MBD5: variants seen among roughly 807,000 people sequenced by gnomAD.
The protein encoded by MBD5 is methyl-CpG-binding domain protein 5.
MBD5 carries 13 observed loss-of-function variants against 117.3 expected under a neutral mutation model. That is an observed-to-expected ratio of 0.11 (90% CI 0.07 to 0.18). The LOEUF is 0.18. MBD5 is among the 10% of genes least tolerant of loss of function. The probability of loss-of-function intolerance (pLI) is 1.00; values close to 1 mark genes in which losing one functional copy is unlikely to be tolerated. For missense variants in MBD5, 1,879 were observed against 2,093.8 expected (o/e 0.90, Z 2.00); for synonymous variants, 727 against 766.4 (o/e 0.95, Z 0.85).
At chr2:148,028,305 C>G (rs1463337778) in intron 1 of MBD5, 2 of 151,988 alleles carry the variant, frequency 1.3e-5, no homozygotes, top group East Asian at 3.8e-4. Context: ...TCACTGAATT[C>G]TTCTGCTAAC....
intron 3 of MBD5, among the ~76,000 whole-genome samples, chr2:148,255,383 C>T (rs1419157191): frequency 1.3e-5 from 2 of 152,178 alleles, no homozygotes; most frequent in Admixed American, 6.5e-5. Context: ...CTTTCCCTGG[C>T]CATTCCCCTA....
chr2:148,060,443 C>T (rs1019719495), intron 1 of MBD5, among the ~76,000 whole-genome samples: 1 of 150,798 alleles, frequency 6.6e-6, no homozygotes, highest in Non-Finnish European at 1.5e-5. Flanking sequence ...CACCATGTTT[C>T]CTTACCACAA....
At chr2:148,398,956 T>C (rs1704826283) in intron 4 of MBD5, among the ~76,000 whole-genome samples, 1 of 152,230 alleles carries the variant, frequency 6.6e-6, no homozygotes, top group African/African-American at 2.4e-5. Flanking sequence ...AAAGATCAGA[T>C]AGTTGTAGAT....
chr2:148,473,847 A>G (rs1286461026), intron 8 of MBD5, among the ~76,000 whole-genome samples: 9 of 152,198 alleles, frequency 5.9e-5, no homozygotes, highest in Admixed American at 3.9e-4. Flanking sequence ...CCTTTCCACT[A>G]AAGCTTCAAA....
chr2:148,139,965 G>A (rs2105526932), intron 1 of MBD5, among the ~76,000 whole-genome samples: 1 of 152,280 alleles, frequency 6.6e-6, no homozygotes, highest in East Asian at 1.9e-4. Flanking sequence ...TTACCAATTA[G>A]TAAATATTGT....
At chr2:148,143,329 AAGAC>A (rs1378616309) in intron 1 of MBD5, among the ~76,000 whole-genome samples, 3 of 152,208 alleles carry the variant, frequency 2.0e-5, no homozygotes, top group African/African-American at 7.2e-5. Flanking sequence ...CCAGAGAAAA[AAGAC>A]AGAAAAGTTG....
intron 3 of MBD5, among the ~76,000 whole-genome samples, chr2:148,294,256 G>A (rs1433603187): frequency 7.5e-6 from 1 of 132,750 alleles, no homozygotes; most frequent in East Asian, 2.2e-4. Flanking sequence ...ACAGAGTCTT[G>A]CTCTGTCATT....
At chr2:148,328,421 T>C (rs1231286827) in intron 3 of MBD5, among the ~76,000 whole-genome samples, 1 of 152,032 alleles carries the variant, frequency 6.6e-6, no homozygotes, top group East Asian at 1.9e-4. Context: ...TGGGCAATGG[T>C]GGGCGCCCCT....
intron 2 of MBD5, among the ~76,000 whole-genome samples, chr2:148,202,767 C>T (rs1335292799): frequency 4.5e-4 from 69 of 151,956 alleles, no homozygotes; most frequent in Non-Finnish European, 1.2e-4. Flanking sequence ...GTGGTTCATG[C>T]CAGTAATCTC....
intron 4 of MBD5, among the ~76,000 whole-genome samples, chr2:148,372,517 T>C (rs929941160): frequency 6.6e-6 from 1 of 152,026 alleles, no homozygotes; most frequent in African/African-American, 2.4e-5. Context: ...CTACTAATGA[T>C]AGATCATGAG....
At chr2:148,236,615 C>A (rs1287138480) in intron 3 of MBD5, among the ~76,000 whole-genome samples, 2 of 152,068 alleles carry the variant, frequency 1.3e-5, no homozygotes, top group Non-Finnish European at 2.9e-5. Context: ...ATGCTGTCCT[C>A]TAGGCTTTGT....
intron 1 of MBD5, among the ~76,000 whole-genome samples, chr2:148,051,294 A>G (rs1045302427): frequency 1.3e-5 from 2 of 149,396 alleles, no homozygotes; most frequent in Non-Finnish European, 3.0e-5. Context: ...TGCAGACCTT[A>G]TTAGCTCTAA....
intron 3 of MBD5, among the ~76,000 whole-genome samples, chr2:148,312,142 T>A (rs896674356): frequency 3.9e-5 from 6 of 152,192 alleles, no homozygotes; most frequent in Non-Finnish European, 1.5e-5. Context: ...GTTGCTCTTC[T>A]CAAGGAGTAT....
chr2:148,240,181 A>G (rs1700183352), intron 3 of MBD5, among the ~76,000 whole-genome samples: 4 of 151,968 alleles, frequency 2.6e-5, no homozygotes, highest in Admixed American at 1.3e-4. Flanking sequence ...AAAACCAAAC[A>G]CTGCATGTTC....
chr2:148,361,048 A>G (rs1703518212), intron 4 of MBD5, among the ~76,000 whole-genome samples: 1 of 152,088 alleles, frequency 6.6e-6, no homozygotes, highest in African/African-American at 2.4e-5. Flanking sequence ...AAAAATAAGA[A>G]AAAAAGTGCT....
At chr2:148,084,472 T>G (rs1367978512) in intron 1 of MBD5, among the ~76,000 whole-genome samples, 1 of 152,224 alleles carries the variant, frequency 6.6e-6, no homozygotes, top group Non-Finnish European at 1.5e-5. Context: ...TGTTTATTGA[T>G]TTCCAAGTCA....
At chr2:148,377,153 C>A (rs1190189586) in intron 4 of MBD5, among the ~76,000 whole-genome samples, 1 of 151,906 alleles carries the variant, frequency 6.6e-6, no homozygotes. Flanking sequence ...AGCTGAGGAG[C>A]AAGGAAGCCA....
chr2:148,111,612 T>C (rs1696504968), intron 1 of MBD5, among the ~76,000 whole-genome samples: 2 of 152,300 alleles, frequency 1.3e-5, no homozygotes, highest in Admixed American at 1.3e-4. Context: ...TGTCCTGAAT[T>C]TATCATTATA....
At chr2:148,185,375 C>T (rs1416745948) in intron 2 of MBD5, among the ~76,000 whole-genome samples, 1 of 152,104 alleles carries the variant, frequency 6.6e-6, no homozygotes, top group African/African-American at 2.4e-5. Context: ...TGTACTATTC[C>T]AACATCTTGG....
Sources: allele counts gnomAD v4.1 joint callset (sites outside exome capture counted in the v4.1 genomes callset), GRCh38; gene constraint gnomAD v4.1.1; transcripts MANE v1.5; gene names NCBI Gene and HGNC (gene_info 2026-07-23, HGNC 2026-07-21).